CES1: variants seen among roughly 807,000 people sequenced by gnomAD.
CES1 encodes liver carboxylesterase 1.
CES1 carries 50 observed loss-of-function variants against 53.0 expected under a neutral mutation model. The observed-to-expected ratio is 0.94, with a 90% CI of 0.75 to 1.19. The LOEUF (loss-of-function observed/expected upper bound fraction) is 1.19. CES1 is among the 50% of genes most tolerant of loss of function. CES1 has a pLI of 0.00. For missense variants in CES1, 534 were observed against 538.0 expected (o/e 0.99, Z 0.07); for synonymous variants, 202 against 210.1 (o/e 0.96, Z 0.33).
At chr16:55,825,739 T>G (rs2032390275) in intron 3 of CES1, among the ~76,000 whole-genome samples, 1 of 152,184 alleles carries the variant, frequency 6.6e-6, no homozygotes, top group African/African-American at 2.4e-5. Flanking sequence ...GACCTCCCCT[T>G]CCCTGTCTGG....
chr16:55,832,447 T>A (rs746360679), intron 1 of CES1, among the ~76,000 whole-genome samples: 9 of 152,208 alleles, frequency 5.9e-5, no homozygotes, highest in Non-Finnish European at 1.2e-4. Flanking sequence ...GCTTTCTACA[T>A]ACCAGGCGCT....
intron 9 of CES1, among the ~76,000 whole-genome samples, chr16:55,811,217 A>AC (rs146150314): frequency 1.3e-5 from 2 of 151,298 alleles, no homozygotes; most frequent in Non-Finnish European, 3.0e-5. Context: ...TTACAAAAAA[A>AC]AAAAACAAAA....
At chr16:55,822,941 C>T (rs1402533196) in intron 4 of CES1, among the ~76,000 whole-genome samples, 1 of 151,892 alleles carries the variant, frequency 6.6e-6, no homozygotes, top group Non-Finnish European at 1.5e-5. Flanking sequence ...GCAGTTGCGC[C>T]TTGAAGGAGA....
At chr16:55,809,934 T>C (rs1205631516) in intron 11 of CES1, among the ~76,000 whole-genome samples, 1 of 152,346 alleles carries the variant, frequency 6.6e-6, no homozygotes, top group Non-Finnish European at 1.5e-5. Flanking sequence ...GGGTCTCACC[T>C]ATATCCCCTC....
At chr16:55,818,099 A>G (rs1187806327) in intron 7 of CES1, among the ~76,000 whole-genome samples, 4 of 152,336 alleles carry the variant, frequency 2.6e-5, no homozygotes, top group East Asian at 3.9e-4. Flanking sequence ...GATAGAGGCC[A>G]GCCCTGGGAT....
intron 8 of CES1, 112 bp from the exon 9 acceptor site, chr16:55,813,155 C>T (rs1479566884): frequency 4.3e-5 from 61 of 1,412,626 alleles, no homozygotes; most frequent in Non-Finnish European, 5.5e-5. Flanking sequence ...GGCCATGCGC[C>T]ATGGCTGCAC....
rs372322239 is a variant in CES1 at position 55,826,883 on chromosome 16, T to G, written c.261-588A>C. Reference sequence around the variant, plus strand: ...TAGATGAACACTGGTAATAGTTATTTAGTTCTCCCAGTGTTCCAGGCACTG... The same window carrying G: ...TAGATGAACACTGGTAATAGTTATTGAGTTCTCCCAGTGTTCCAGGCACTG... On this transcript the variant is annotated intron_variant, in intron 2 of 13. Coordinates refer to ENST00000360526, the MANE Select transcript of CES1 (RefSeq NM_001025195.2). Among the ~76,000 whole-genome samples, 271 of 152,344 alleles carry G rather than the reference T, an allele frequency of 1.8e-3. 2 individuals are homozygous for G. The South Asian group carries it at 0.051, about 29-fold the overall frequency.
intron 4 of CES1, among the ~76,000 whole-genome samples, chr16:55,821,834 A>T (rs1488228181): frequency 6.6e-6 from 1 of 152,186 alleles, no homozygotes; most frequent in Non-Finnish European, 1.5e-5. Context: ...AGATAAACAG[A>T]TACATAGAGA....
Position 55,833,047 on chromosome 16 carries a change from G to A in CES1, c.9C>T (p.Leu3=), listed in dbSNP as rs762231937. The part of the protein sequence containing the change: MW[L]RAFILATLSA... Reference sequence around the variant, plus strand: ...AGAGAGTGGCCAGGATAAAGGCACGGAGCCACATCGTGGAAGGGCGACAGT... The same window carrying A: ...AGAGAGTGGCCAGGATAAAGGCACGAAGCCACATCGTGGAAGGGCGACAGT... The change falls in exon 1 of 14, where the codon CTC becomes CTT. Residue 3 remains leucine, a synonymous_variant. Transcript: ENST00000360526. The A allele has an allele frequency of 6.4e-7, 1 of 1,558,642 alleles. No individual in the cohort carries two copies. The highest frequency in any genetic ancestry group is 1.4e-5 in the African/African-American group (1 of 72,310).
At position 55,829,016 on chromosome 16, in the gene CES1, G is replaced by C. The variant is rs201103896; in HGVS notation, c.53-42C>G. 8.3e-6 allele frequency: 13 copies of C among 1,561,300 alleles called. No homozygotes were observed. The African/African-American group carries it at 1.2e-4, about 15-fold the overall frequency. On this transcript the variant is annotated intron_variant, in intron 1 of 13. Transcript: ENST00000360526. ...AATCAGGATGCATCAGAGGCAAAAG[G>C]CTGGACCCAGATTCCAGGTGGAGTT...
At chr16:55,819,333 A>T (rs1447806102) in intron 7 of CES1, among the ~76,000 whole-genome samples, 1 of 152,220 alleles carries the variant, frequency 6.6e-6, no homozygotes, top group African/African-American at 2.4e-5. Context: ...TTGTTACACA[A>T]TTTTTTATCA....
At chr16:55,820,683 C>T (rs111399497) in intron 5 of CES1, among the ~76,000 whole-genome samples, 53 of 152,202 alleles carry the variant, frequency 3.5e-4, no homozygotes, top group African/African-American at 1.2e-3. Context: ...CATCCCAGAT[C>T]CCCCAGTGTC....
At chr16:55,820,543 A>G (rs2307235) in intron 5 of CES1, 64 bp from the exon 6 acceptor site, 1 of 1,574,766 alleles carries the variant, frequency 6.4e-7, no homozygotes, top group Admixed American at 1.8e-5. Flanking sequence ...CTCACTCGCT[A>G]TTCCAGGCTA....
At chr16:55,810,884 C>T (rs762188641) in intron 10 of CES1, 43 bp downstream of exon 10, 13 of 1,563,972 alleles carry the variant, frequency 8.3e-6, no homozygotes, top group Non-Finnish European at 1.1e-5. Context: ...GTCCTTGTCC[C>T]TCTCTGGGTC....
At chr16:55,826,993 A>G (rs2032442892) in intron 2 of CES1, among the ~76,000 whole-genome samples, 1 of 152,178 alleles carries the variant, frequency 6.6e-6, no homozygotes, top group Non-Finnish European at 1.5e-5. Context: ...TTTACAGATG[A>G]GAAAACTGAA....
rs1383031472 is a variant in CES1 at position 55,810,644 on chromosome 16, A to G, written c.1191T>C (p.Ile397=). 7 of 1,614,048 alleles carry G rather than the reference A, an allele frequency of 4.3e-6. No homozygotes were observed. ...YPLVCIAKEL[I]PEATEKYLGG... ...CTAAGTATTTCTCAGTGGCTTCTGG[A>G]ATCAGTTCCTTAGCAATGCACTGAA... Residue 397 remains isoleucine (I), a synonymous_variant, in exon 11 of 14, where the codon ATT becomes ATC. Transcript: ENST00000360526.
At position 55,826,138 on chromosome 16, in the gene CES1, T is replaced by C; in HGVS notation, c.405+13A>G. 2 of 1,613,720 alleles carry C rather than the reference T, an allele frequency of 1.2e-6. No individual in the cohort carries two copies. Among genetic ancestry groups the C allele is most frequent in the African/African-American group, 1.3e-5 (1 of 74,906 alleles). On this transcript the variant is annotated intron_variant, in intron 3 of 13. Transcript: ENST00000360526. ...GCACTGACACGCCTTGACCAGGGGG[T>C]CCCACAACTTACCGGCAGCCTGTTT...
intron 6 of CES1, 118 bp from the exon 7 acceptor site, chr16:55,819,757 A>G (rs1369663385): frequency 1.1e-6 from 1 of 883,544 alleles, no homozygotes; most frequent in Admixed American, 1.8e-5. Context: ...GCAGCAGAAG[A>G]TACTGTAGAC....
intron 5 of CES1, among the ~76,000 whole-genome samples, chr16:55,820,803 T>A (rs1234454865): frequency 6.6e-6 from 1 of 151,870 alleles, no homozygotes; most frequent in African/African-American, 2.4e-5. Flanking sequence ...CCCTCCTTCC[T>A]CTGCCTGCCT....
Sources: allele counts gnomAD v4.1 joint callset (sites outside exome capture counted in the v4.1 genomes callset), GRCh38; gene constraint gnomAD v4.1.1; transcripts MANE v1.5; gene names NCBI Gene and HGNC (gene_info 2026-07-23, HGNC 2026-07-21).